The following PDIA2 variants were observed in gnomAD, a reference collection of about 807,000 sequenced individuals.
The protein encoded by PDIA2 is protein disulfide isomerase family A member 2, also known as protein disulfide-isomerase A2.
A neutral mutation model predicts 51.1 loss-of-function variants in PDIA2; 76 were observed. That is an observed-to-expected ratio of 1.49 (90% confidence interval 1.24 to 1.80). The LOEUF is 1.80. Ranked by LOEUF, PDIA2 falls within the 40% of genes most tolerant of loss-of-function variation. PDIA2 has a pLI of 0.00. For synonymous variants in PDIA2, 429 were observed against 309.9 expected (o/e 1.38, Z -4.04); for missense variants, 946 against 706.5 (o/e 1.34, Z -3.84).
intron 2 of PDIA2, 21 bp downstream of exon 2, chr16:284,614 T>TGG (rs759907624): frequency 6.3e-7 from 1 of 1,589,716 alleles, no homozygotes; most frequent in Non-Finnish European, 8.5e-7. Flanking sequence ...GGCCGGTCAT[T>TGG]GGGGGGGCGG....
rs1285045539 is a variant in PDIA2 at position 284,675 on chromosome 16, G to A, written c.423G>A (p.Glu141=). The A allele has an allele frequency of 1.9e-6, 3 of 1,591,686 alleles. No homozygotes were observed. Among genetic ancestry groups the A allele is most frequent in the East Asian group, 2.3e-5 (1 of 44,428 alleles). The part of the protein sequence containing the change: ...PEEYTGPRDA[E]GIAEWLRRRV... ...TCCCTGCAGGACCACGGGACGCTGA[G>A]GGCATTGCCGAGTGGCTGCGACGGC... Residue 141 remains glutamate, a synonymous_variant, in exon 3 of 11, where the codon GAG becomes GAA. Transcript: ENST00000219406.
At chr16:285,931 CCCCAA>C in intron 7 of PDIA2, among the ~76,000 whole-genome samples, 1 of 47,350 alleles carries the variant, frequency 2.1e-5, no homozygotes, top group South Asian at 4.9e-4. Context: ...GTTCTCCCAA[CCCCAA>C]CCCCAACCCC....
chr16:283,282 T>C lies in PDIA2; in HGVS notation c.113T>C (p.Ile38Thr), dbSNP rs1159091193. Residue 38 changes from isoleucine to threonine, a missense_variant, in exon 1 of 11, where the codon ATC (isoleucine) becomes ACC (threonine). Ile to Thr is a moderately conservative substitution (Grantham distance 89). Coordinates refer to ENST00000219406, the MANE Select transcript of PDIA2 (RefSeq NM_006849.4). ...SPSEEPPEEE[I>T]PKEDGILVLS... ...TCGGAGGAGCCTCCAGAGGAGGAAA[T>C]CCCCAAGGAGGATGGGATCTTGGTG... 1.9e-6 allele frequency: 3 copies of C among 1,608,060 alleles called. No individual in the cohort carries two copies. Among genetic ancestry groups the C allele is most frequent in the South Asian group, 2.2e-5 (2 of 90,510 alleles).
rs747520476 is a variant in PDIA2, at chr16:286,743, G to A, written c.1422+8G>A. ...GCAGGGCCAGGTCGGAAGGTATGGC[G>A]GACAGGTGGCTGGGGAGGAAGCCGG... On this transcript the variant is annotated splice_region_variant and intron_variant, in intron 9 of 10. Transcript: ENST00000219406. 150 of 1,612,792 alleles carry A rather than the reference G, an allele frequency of 9.3e-5. 1 individual carries two copies. The highest frequency in any genetic ancestry group is 2.4e-4 in the African/African-American group (18 of 75,066).
chr16:284,982 C>T lies in PDIA2; in HGVS notation c.645C>T (p.Gly215=). ...TDRPRLFQQF[G]LTKDTVVLFK... is the part of the protein sequence containing the mutation. Reference sequence around the variant, plus strand: ...GGCCGCGGCTCTTTCAGCAGTTTGGCCTCACCAAGGACACTGTGGTTCTCT... The same window carrying T: ...GGCCGCGGCTCTTTCAGCAGTTTGGTCTCACCAAGGACACTGTGGTTCTCT... The change falls in exon 4 of 11, where the codon GGC becomes GGT. Residue 215 remains glycine (G), a synonymous_variant. Coordinates refer to ENST00000219406, the MANE Select transcript of PDIA2 (RefSeq NM_006849.4). The T allele has an allele frequency of 1.2e-6, 2 of 1,613,438 alleles. No homozygotes were observed. Among genetic ancestry groups the T allele is most frequent in the Non-Finnish European group, 1.7e-6 (2 of 1,180,026 alleles).
rs369554711 is a variant in PDIA2 at position 285,478 on chromosome 16, C to T, written c.922-28C>T. 2.0e-4 allele frequency: 326 copies of T among 1,611,932 alleles called. 1 individual carries two copies. Among genetic ancestry groups the T allele is most frequent in the African/African-American group, 1.5e-3 (111 of 74,774 alleles). On this transcript the variant is annotated intron_variant, in intron 6 of 10. Coordinates refer to ENST00000219406, the MANE Select transcript of PDIA2 (RefSeq NM_006849.4). ...GGGAAAGGGGCAGCGGGAGAGTGGC[C>T]GGTGCCAGCATGGACTCCCTGCCAC...
In PDIA2 at chr16:285,300, TCC is replaced by T; in HGVS notation, c.796-10_796-9del. On this transcript the variant is annotated splice_polypyrimidine_tract_variant and intron_variant, in intron 5 of 10. Transcript: ENST00000219406. ...GGGTCCTGTGGAGTCATGAGCACCC[TCC>T]CTACTGTAGACGTCTGCCAAGATCT... 1 of 1,612,478 alleles carries T rather than the reference TCC, an allele frequency of 6.2e-7. No individual in the cohort carries two copies. The highest frequency in any genetic ancestry group is 1.3e-5 in the African/African-American group (1 of 74,900).
rs374019509 is a variant in PDIA2, at chr16:284,768, C to G, written c.516C>G (p.Asp172Glu). The change falls in exon 3 of 11, where the codon GAC (aspartate) becomes GAG (glutamate). Residue 172 changes from aspartate to glutamate, a missense_variant. Coordinates refer to ENST00000219406, the MANE Select transcript of PDIA2 (RefSeq NM_006849.4). ...AAAQALIGGR[D>E]LVVIGFFQDL... is the part of the protein sequence containing the mutation. ...CCCAGGCGCTGATCGGTGGCCGGGA[C>G]CTAGTGGTCATTGGCTTCTTCCAGG... 19 of 1,567,152 alleles carry G rather than the reference C, an allele frequency of 1.2e-5. No homozygotes were observed. The highest frequency in any genetic ancestry group is 1.6e-5 in the Non-Finnish European group (19 of 1,161,044).
At chr16:284,175 G>A (rs914609544) in intron 1 of PDIA2, 1 of 605,220 alleles carries the variant, frequency 1.7e-6, no homozygotes, top group East Asian at 2.8e-5. Context: ...GCTGTGGGGG[G>A]AGGGGGGGTG....
Position 285,195 on chromosome 16 carries a change from AG to A in PDIA2, c.791del (p.Ser264ThrfsTer31). On this transcript the variant is annotated frameshift_variant, in exon 5 of 11. Transcript: ENST00000219406. LOFTEE classifies it high-confidence loss of function. Reference sequence around the variant, plus strand: ...CATGCGCCTGGTCACGGAGTTCAACAGCCAGGTGCGTAGGCTGCAGTGCCTG... The same window carrying A: ...CATGCGCCTGGTCACGGAGTTCAACACCAGGTGCGTAGGCTGCAGTGCCTG... ...HSMRLVTEFNSQTSAKIFAAR... is the reference protein window; with the variant it reads ...HSMRLVTEFNXQTSAKIFAAR... 6.2e-7 allele frequency: 1 copy of A among 1,612,812 alleles called. No individual in the cohort carries two copies. Among genetic ancestry groups the A allele is most frequent in the Admixed American group, 1.7e-5 (1 of 60,016 alleles).
At position 284,768 on chromosome 16, in the gene PDIA2, C is replaced by T. The variant is rs374019509; in HGVS notation, c.516C>T (p.Asp172=). The part of the protein sequence containing the change: ...AAAQALIGGR[D]LVVIGFFQDL... ...CCCAGGCGCTGATCGGTGGCCGGGA[C>T]CTAGTGGTCATTGGCTTCTTCCAGG... The change falls in exon 3 of 11, where the codon GAC becomes GAT. Residue 172 remains aspartate, a synonymous_variant. Transcript: ENST00000219406. 2.6e-6 allele frequency: 4 copies of T among 1,567,270 alleles called. No homozygotes were observed. Among genetic ancestry groups the T allele is most frequent in the Non-Finnish European group, 2.6e-6 (3 of 1,161,036 alleles).
In PDIA2 at chr16:285,329, C is replaced by T. The variant is rs374179213; in HGVS notation, c.813C>T (p.Phe271=). ...EFNSQTSAKI[F]AARILNHLLL... is the part of the protein sequence containing the mutation. ...TACTGTAGACGTCTGCCAAGATCTT[C>T]GCGGCCAGGATCCTCAACCACCTGC... The change falls in exon 6 of 11, where the codon TTC becomes TTT. Residue 271 remains phenylalanine, a synonymous_variant. Transcript: ENST00000219406. 1.6e-4 allele frequency: 254 copies of T among 1,612,830 alleles called. 1 individual carries two copies. The highest frequency in any genetic ancestry group is 1.5e-3 in the Middle Eastern group (9 of 6,058).
intron 7 of PDIA2, among the ~76,000 whole-genome samples, chr16:285,936 A>G (rs1427819712): frequency 2.0e-5 from 1 of 50,160 alleles, no homozygotes; most frequent in African/African-American, 1.0e-4. Context: ...CCCAACCCCA[A>G]CCCCAACCCC....
At position 286,829 on chromosome 16, in the gene PDIA2, T is replaced by A. The variant is rs1038821641; in HGVS notation, c.1423-6T>A. 10 of 1,611,020 alleles carry A rather than the reference T, an allele frequency of 6.2e-6. No individual in the cohort carries two copies. Among genetic ancestry groups the A allele is most frequent in the Non-Finnish European group, 7.6e-6 (9 of 1,179,222 alleles). On this transcript the variant is annotated splice_region_variant and splice_polypyrimidine_tract_variant and intron_variant, in intron 9 of 10. Transcript: ENST00000219406. The stretch of plus-strand genomic sequence containing the variant: ...GTGTCCTCCAGATCCCCCTGCCTCT[T>A]CTCAGGTGATTGAATACAAAAGCAC...
intron 7 of PDIA2, among the ~76,000 whole-genome samples, chr16:285,990 C>T: frequency 7.7e-6 from 1 of 129,630 alleles, no homozygotes; most frequent in African/African-American, 3.2e-5. Flanking sequence ...TTCTCCCAAC[C>T]CCGCGGTTCT....
In PDIA2 at chr16:285,028, C is replaced by T. The variant is rs1181277442; in HGVS notation, c.678+13C>T. The T allele has an allele frequency of 2.5e-6, 4 of 1,613,296 alleles. No homozygotes were observed. In the African/African-American group the frequency reaches 4.0e-5, roughly 16 times the overall value. On this transcript the variant is annotated intron_variant, in intron 4 of 10. Transcript: ENST00000219406. The stretch of plus-strand genomic sequence containing the variant: ...TCTCTTCAAGAAGGTAGGTCAGGCC[C>T]AGGTGTGGGTTGGGGTCCGGCTGCA...
At position 284,593 on chromosome 16, in the gene PDIA2, G is replaced by C. The variant is rs532272495; in HGVS notation, c.406G>C (p.Gly136Arg). 9 of 1,610,992 alleles carry C rather than the reference G, an allele frequency of 5.6e-6. No individual in the cohort carries two copies. In the African/African-American group the frequency reaches 1.2e-4, roughly 22 times the overall value. ...CCGCACGCACCCGGAGGAGTACACA[G>C]GTGAGGGGCAGGCCGGTCATTGGGG... is the stretch of plus-strand genomic sequence containing the variant. ...GNRTHPEEYT[G>R]PRDAEGIAEW... Residue 136 changes from glycine to arginine, a missense_variant and splice_region_variant, in exon 2 of 11, where the codon GGA becomes CGA. Physicochemically the swap from Gly to Arg is moderately radical, Grantham distance 125. Coordinates refer to ENST00000219406, the MANE Select transcript of PDIA2 (RefSeq NM_006849.4).
rs750411808 is a variant in PDIA2 at position 285,643 on chromosome 16, C to T, written c.1059C>T (p.Gly353=). The T allele has an allele frequency of 4.3e-6, 7 of 1,613,308 alleles. No individual in the cohort carries two copies. Among genetic ancestry groups the T allele is most frequent in the Admixed American group, 3.3e-5 (2 of 60,004 alleles). ...AGAAGTATGCGCCTGTGGATGGGGG[C>T]CCTGTCACCGCAGCGTCCATCACTG... ...TTKKYAPVDG[G]PVTAASITAF... is the part of the protein sequence containing the mutation. The change falls in exon 7 of 11, where the codon GGC becomes GGT. Residue 353 remains glycine (G), a synonymous_variant. Transcript: ENST00000219406.
At position 286,718 on chromosome 16, in the gene PDIA2, G is replaced by T. The variant is rs1250765063; in HGVS notation, c.1405G>T (p.Ala469Ser). 1.9e-6 allele frequency: 3 copies of T among 1,612,764 alleles called. No homozygotes were observed. The African/African-American group carries it at 4.0e-5, about 22-fold the overall frequency. Residue 469 changes from alanine (A) to serine (S), a missense_variant, in exon 9 of 11, where the codon GCA (alanine) becomes TCA (serine). Transcript: ENST00000219406. ...HGFPTLKYFPAGPGRKVIEYK... is the reference protein window; with the variant it reads ...HGFPTLKYFPSGPGRKVIEYK... ...CTTCCCTACTCTCAAGTACTTCCCAGCAGGGCCAGGTCGGAAGGTATGGCG... is the reference window on the plus strand; with the variant it reads ...CTTCCCTACTCTCAAGTACTTCCCATCAGGGCCAGGTCGGAAGGTATGGCG...
Sources: allele counts gnomAD v4.1 joint callset (sites outside exome capture counted in the v4.1 genomes callset), GRCh38; gene constraint gnomAD v4.1.1; transcripts MANE v1.5; gene names NCBI Gene and HGNC (gene_info 2026-07-23, HGNC 2026-07-21).